FAM120A: variants seen among roughly 807,000 people sequenced by gnomAD.
FAM120A encodes family with sequence similarity 120 member A.
Under a neutral mutation model 109.7 loss-of-function variants are expected in FAM120A, and 15 were observed. That is an observed-to-expected ratio of 0.14 (90% CI 0.09 to 0.21). The LOEUF is 0.21. Among genes scored for constraint, FAM120A ranks in the 10% least tolerant of loss-of-function variants. FAM120A has a pLI of 1.00. For synonymous variants in FAM120A, 493 were observed against 572.8 expected (o/e 0.86, Z 1.99); for missense variants, 899 against 1,439.3 (o/e 0.62, Z 6.07).
intron 10 of FAM120A, among the ~76,000 whole-genome samples, chr9:93,541,124 TATGTG>T (rs912306086): frequency 6.6e-6 from 1 of 151,798 alleles, no homozygotes; most frequent in Non-Finnish European, 1.5e-5. Flanking sequence ...TTGTGTGAAA[TATGTG>T]ATGTGTGCAT....
At chr9:93,557,058 G>C (rs960351094) in intron 13 of FAM120A, among the ~76,000 whole-genome samples, 1 of 151,436 alleles carries the variant, frequency 6.6e-6, no homozygotes, top group Non-Finnish European at 1.5e-5. Context: ...GCCTCCTTAT[G>C]CATTTAGGAA....
At chr9:93,543,747 T>A (rs1163878201) in intron 11 of FAM120A, among the ~76,000 whole-genome samples, 6 of 152,248 alleles carry the variant, frequency 3.9e-5, no homozygotes, top group Non-Finnish European at 8.8e-5. Flanking sequence ...TGGTTTATTA[T>A]TTAAATATTG....
chr9:93,526,036 T>C (rs1427272764), intron 7 of FAM120A, among the ~76,000 whole-genome samples: 1 of 152,252 alleles, frequency 6.6e-6, no homozygotes, highest in East Asian at 1.9e-4. Context: ...AACCTCTCCA[T>C]CTGTCATGTG....
chr9:93,539,554 C>T (rs552424730), intron 10 of FAM120A, among the ~76,000 whole-genome samples: 11 of 152,302 alleles, frequency 7.2e-5, no homozygotes, highest in South Asian at 6.2e-4. Flanking sequence ...ACTACCAGTA[C>T]GGAGTTCATT....
intron 3 of FAM120A, among the ~76,000 whole-genome samples, chr9:93,479,090 ATTTTTTTTTTT>A (rs11296612): frequency 2.4e-5 from 2 of 81,636 alleles, no homozygotes; most frequent in African/African-American, 1.1e-4. Flanking sequence ...AGGGTATTGC[ATTTTTTTTTTT>A]TTTTTTTTTT....
chr9:93,480,169 G>T (rs1048804309), intron 3 of FAM120A, among the ~76,000 whole-genome samples: 2 of 152,182 alleles, frequency 1.3e-5, no homozygotes, highest in Admixed American at 6.5e-5. Flanking sequence ...AGTAAGGTGG[G>T]CATTGAATTT....
intron 5 of FAM120A, among the ~76,000 whole-genome samples, chr9:93,502,181 G>A (rs893146247): frequency 6.6e-6 from 1 of 152,146 alleles, no homozygotes; most frequent in African/African-American, 2.4e-5. Context: ...TGTTGTATTA[G>A]AATTTATCTT....
intron 5 of FAM120A, among the ~76,000 whole-genome samples, chr9:93,503,319 G>A (rs1345246998): frequency 2.6e-5 from 4 of 152,274 alleles, no homozygotes; most frequent in South Asian, 4.1e-4. Flanking sequence ...AATAGCCAAC[G>A]CTTGGAGGCT....
intron 12 of FAM120A, among the ~76,000 whole-genome samples, chr9:93,555,679 T>C (rs1006310802): frequency 6.6e-6 from 1 of 152,222 alleles, no homozygotes; most frequent in Non-Finnish European, 1.5e-5. Context: ...GCTCTACGTA[T>C]AGAAGGTAGG....
Position 93,496,749 on chromosome 9 carries a change from A to G in FAM120A, c.805-722A>G, listed in dbSNP as rs146438843. On this transcript the variant is annotated intron_variant, in intron 3 of 17. Coordinates refer to ENST00000277165, the MANE Select transcript of FAM120A (RefSeq NM_014612.5). Reference sequence around the variant, plus strand: ...AGGTTCTGGAGAGGAGGATGTGGACAGCTTTGGGAGGTCATTGTCCTGCCT... The same window carrying G: ...AGGTTCTGGAGAGGAGGATGTGGACGGCTTTGGGAGGTCATTGTCCTGCCT... Among the ~76,000 whole-genome samples, 400 of 152,364 alleles carry G rather than the reference A, an allele frequency of 2.6e-3. 1 individual carries two copies. The highest frequency in any genetic ancestry group is 9.1e-3 in the African/African-American group (378 of 41,586).
intron 11 of FAM120A, among the ~76,000 whole-genome samples, chr9:93,544,030 A>G (rs1274675914): frequency 6.6e-6 from 1 of 152,228 alleles, no homozygotes; most frequent in Non-Finnish European, 1.5e-5. Flanking sequence ...ATGCCATTAT[A>G]TATGTGGTCC....
chr9:93,476,867 A>C (rs552936427), intron 3 of FAM120A, among the ~76,000 whole-genome samples: 1 of 152,312 alleles, frequency 6.6e-6, no homozygotes, highest in East Asian at 1.9e-4. Flanking sequence ...TGTTTGTGAT[A>C]GTAATAAACA....
At chr9:93,483,386 T>G (rs7864950) in intron 3 of FAM120A, among the ~76,000 whole-genome samples, 6,731 of 152,126 alleles carry the variant, frequency 0.044, 251 homozygotes, top group African/African-American at 0.093. Flanking sequence ...TTGTTTGTTT[T>G]TTTTTTAAAC....
At chr9:93,474,703 C>G (rs566968180) in intron 2 of FAM120A, among the ~76,000 whole-genome samples, 1 of 152,260 alleles carries the variant, frequency 6.6e-6, no homozygotes, top group South Asian at 2.1e-4. Flanking sequence ...ACACCATTCT[C>G]CCACCTCAGC....
chr9:93,511,986 T>G (rs1860342608), intron 5 of FAM120A, among the ~76,000 whole-genome samples: 1 of 152,238 alleles, frequency 6.6e-6, no homozygotes, highest in Non-Finnish European at 1.5e-5. Flanking sequence ...GAGACGGGCT[T>G]TCGCCATGTT....
At position 93,532,764 on chromosome 9, in the gene FAM120A, C is replaced by T. The variant is rs531120501; in HGVS notation, c.1909+435C>T. Among the ~76,000 whole-genome samples, 1 of 152,330 alleles carries T rather than the reference C, an allele frequency of 6.6e-6. No homozygotes were observed. The highest frequency in any genetic ancestry group is 2.4e-5 in the African/African-American group (1 of 41,570). ...AGGTCTCTGGTTGGCCATGTTTGTG[C>T]TGTTGGAGTGCCACCACGCATGGCT... On this transcript the variant is annotated intron_variant, in intron 10 of 17. Coordinates refer to ENST00000277165, the MANE Select transcript of FAM120A (RefSeq NM_014612.5). This position sits in a 1 kb window ranked among gnomAD's most constrained non-coding sequence, Gnocchi z 4.3.
chr9:93,466,210 TG>T (rs1055747673), intron 1 of FAM120A, among the ~76,000 whole-genome samples: 1 of 152,160 alleles, frequency 6.6e-6, no homozygotes, highest in African/African-American at 2.4e-5. Context: ...CTCTACCTAC[TG>T]GGGGGAAAAT....
At chr9:93,458,423 T>C (rs1857649349) in intron 1 of FAM120A, among the ~76,000 whole-genome samples, 1 of 152,106 alleles carries the variant, frequency 6.6e-6, no homozygotes, top group African/African-American at 2.4e-5. Flanking sequence ...TCTACCACCA[T>C]AGAGTCATGC....
At chr9:93,510,973 A>G (rs2131389649) in intron 5 of FAM120A, among the ~76,000 whole-genome samples, 1 of 151,820 alleles carries the variant, frequency 6.6e-6, no homozygotes, top group East Asian at 1.9e-4. Context: ...GGAGTGAGGA[A>G]TGTTTATAGA....
Sources: allele counts gnomAD v4.1 joint callset (sites outside exome capture counted in the v4.1 genomes callset), GRCh38; gene constraint gnomAD v4.1.1; non-coding constraint Gnocchi (gnomAD v3.1); transcripts MANE v1.5; gene names NCBI Gene and HGNC (gene_info 2026-07-23, HGNC 2026-07-21).